Variants in PTPRK observed in about 807,000 individuals in gnomAD.
The protein encoded by PTPRK is protein tyrosine phosphatase receptor type K, also known as receptor-type tyrosine-protein phosphatase kappa.
PTPRK carries 75 observed loss-of-function variants against 178.0 expected under a neutral mutation model. The ratio of observed to expected loss-of-function variants is 0.42; its 90% CI spans 0.35 to 0.51. The LOEUF is 0.51. PTPRK is among the 20% of genes least tolerant of loss of function. The pLI is 0.02. For missense variants in PTPRK, 1,441 were observed against 1,797.8 expected (o/e 0.80, Z 3.59); for synonymous variants, 637 against 620.6 (o/e 1.03, Z -0.39).
intron 7 of PTPRK, among the ~76,000 whole-genome samples, chr6:128,102,048 T>A (rs555534809): frequency 2.4e-4 from 36 of 152,338 alleles, no homozygotes; most frequent in Middle Eastern, 3.4e-3. Flanking sequence ...TATTAACACG[T>A]ATGCCCTCTC....
intron 2 of PTPRK, among the ~76,000 whole-genome samples, chr6:128,361,490 G>A (rs1317212208): frequency 1.3e-5 from 2 of 152,146 alleles, no homozygotes; most frequent in African/African-American, 4.8e-5. Flanking sequence ...GTTGCCTAAT[G>A]ATGAGGATAG....
chr6:128,327,706 G>A (rs982278999), intron 2 of PTPRK, among the ~76,000 whole-genome samples: 8 of 152,190 alleles, frequency 5.3e-5, no homozygotes, highest in Non-Finnish European at 1.0e-4. Context: ...AATCAGAAGA[G>A]AGAAGCCACA....
chr6:128,003,877 CATGATT>C (rs1778129262), intron 15 of PTPRK, among the ~76,000 whole-genome samples: 1 of 151,796 alleles, frequency 6.6e-6, no homozygotes, highest in South Asian at 2.1e-4. Flanking sequence ...AAGGCCCTGT[CATGATT>C]ATAACTAAAT....
chr6:128,356,458 T>C (rs918942053), intron 2 of PTPRK, among the ~76,000 whole-genome samples: 2 of 152,224 alleles, frequency 1.3e-5, no homozygotes, highest in African/African-American at 4.8e-5. Flanking sequence ...TAGGCATTTT[T>C]CATTTCTCAT....
intron 1 of PTPRK, among the ~76,000 whole-genome samples, chr6:128,440,648 C>A (rs1846164025): frequency 6.6e-6 from 1 of 152,110 alleles, no homozygotes; most frequent in Admixed American, 6.6e-5. Context: ...TGTCATTTCT[C>A]TCCTTAATAG....
intron 1 of PTPRK, among the ~76,000 whole-genome samples, chr6:128,449,187 G>C (rs1176968632): frequency 6.6e-6 from 1 of 152,096 alleles, no homozygotes; most frequent in East Asian, 1.9e-4. Flanking sequence ...GTGTTTAAAT[G>C]TTTGCACTCA....
chr6:128,509,486 C>T (rs924813547), intron 1 of PTPRK, among the ~76,000 whole-genome samples: 3 of 151,974 alleles, frequency 2.0e-5, no homozygotes, highest in African/African-American at 7.3e-5. Context: ...TTTTCATTTC[C>T]CTTCTTCAGC....
At chr6:128,180,247 C>A (rs908623577) in intron 7 of PTPRK, among the ~76,000 whole-genome samples, 1 of 151,672 alleles carries the variant, frequency 6.6e-6, no homozygotes, top group Non-Finnish European at 1.5e-5. Context: ...GAAAGAGAAA[C>A]TGTATTTGCC....
intron 1 of PTPRK, among the ~76,000 whole-genome samples, chr6:128,491,314 T>C (rs970928106): frequency 2.0e-5 from 3 of 152,238 alleles, no homozygotes; most frequent in Admixed American, 1.3e-4. Flanking sequence ...GGAGGACACA[T>C]CTTGCTGATA....
At chr6:128,106,393 C>A (rs1789725542) in intron 7 of PTPRK, among the ~76,000 whole-genome samples, 2 of 151,856 alleles carry the variant, frequency 1.3e-5, no homozygotes, top group African/African-American at 2.4e-5. Flanking sequence ...AAAATAAAAG[C>A]ATTGAGTTTT....
chr6:128,240,628 TA>T (rs898838053), intron 4 of PTPRK, among the ~76,000 whole-genome samples: 2 of 151,974 alleles, frequency 1.3e-5, no homozygotes, highest in Non-Finnish European at 2.9e-5. Context: ...GATCTTTTTT[TA>T]AAAAAAACAT....
At chr6:128,434,678 T>G (rs1433710501) in intron 1 of PTPRK, among the ~76,000 whole-genome samples, 1 of 152,184 alleles carries the variant, frequency 6.6e-6, no homozygotes, top group Admixed American at 6.5e-5. Context: ...TACTGGAATC[T>G]TTTTTATGCT....
intron 3 of PTPRK, among the ~76,000 whole-genome samples, chr6:128,295,344 C>T (rs138535023): frequency 2.4e-3 from 368 of 152,012 alleles, no homozygotes; most frequent in Non-Finnish European, 3.6e-3. Flanking sequence ...TTACAGGATA[C>T]GGAAAAACCA....
rs77038103 is a variant in PTPRK at position 128,040,059 on chromosome 6, G to A, written c.2194+24699C>T. 8.9e-3 allele frequency among the ~76,000 whole-genome samples: 1,357 copies of A among 152,234 alleles called. 17 individuals are homozygous for A. Among genetic ancestry groups the A allele is most frequent in the African/African-American group, 0.031 (1,280 of 41,534 alleles). On this transcript the variant is annotated intron_variant, in intron 13 of 29. Coordinates refer to ENST00000368226, the MANE Select transcript of PTPRK (RefSeq NM_002844.4). ...TCATCGCTAAGAAGTACTGTGCTGG[G>A]AAAGCCAAGAGAAAATGCCTGAATT...
intron 6 of PTPRK, among the ~76,000 whole-genome samples, chr6:128,202,040 T>C (rs919913472): frequency 2.0e-5 from 3 of 152,176 alleles, no homozygotes; most frequent in African/African-American, 7.2e-5. Flanking sequence ...AATTGATATA[T>C]AGGCCCTGGA....
intron 7 of PTPRK, among the ~76,000 whole-genome samples, chr6:128,103,969 C>A (rs1050739034): frequency 6.6e-6 from 1 of 152,160 alleles, no homozygotes; most frequent in Admixed American, 6.5e-5. Context: ...TACTACTCAG[C>A]CTTGCTTGCT....
intron 7 of PTPRK, among the ~76,000 whole-genome samples, chr6:128,156,601 T>C (rs949504695): frequency 1.3e-5 from 2 of 151,706 alleles, no homozygotes; most frequent in Non-Finnish European, 2.9e-5. Context: ...TTCAATCAAC[T>C]CCCACCAGGC....
At chr6:128,441,795 G>A (rs1232736402) in intron 1 of PTPRK, among the ~76,000 whole-genome samples, 1 of 152,190 alleles carries the variant, frequency 6.6e-6, no homozygotes, top group Non-Finnish European at 1.5e-5. Context: ...GCTGGTTTTG[G>A]TCACTATTGC....
chr6:128,491,556 C>T (rs1584950270), intron 1 of PTPRK, among the ~76,000 whole-genome samples: 1 of 152,150 alleles, frequency 6.6e-6, no homozygotes, highest in South Asian at 2.1e-4. Flanking sequence ...AATGCAGTTT[C>T]GGCTACACCA....
Sources: allele counts gnomAD v4.1 joint callset (sites outside exome capture counted in the v4.1 genomes callset), GRCh38; gene constraint gnomAD v4.1.1; transcripts MANE v1.5; gene names NCBI Gene and HGNC (gene_info 2026-07-23, HGNC 2026-07-21).